The following NLRP5 variants were observed in gnomAD, a reference collection of about 807,000 sequenced individuals.
NLRP5 encodes NACHT, LRR and PYD domains-containing protein 5.
In NLRP5, 93 loss-of-function variants were observed where a neutral mutation model predicts 113.1. The ratio of observed to expected loss-of-function variants is 0.82; its 90% CI spans 0.70 to 0.98. The LOEUF (loss-of-function observed/expected upper bound fraction) is 0.98, where lower values mean the gene tolerates loss of function less well. NLRP5 is among the 50% of genes least tolerant of loss of function. NLRP5 has a pLI of 0.00. For synonymous variants in NLRP5, 751 were observed against 600.7 expected (o/e 1.25, Z -3.66); for missense variants, 1,808 against 1,514.3 (o/e 1.19, Z -3.22).
In NLRP5 at chr19:56,061,674, C is replaced by T. The variant is rs1984360682; in HGVS notation, c.*146C>T. On this transcript the variant is annotated 3_prime_UTR_variant, in exon 15 of 15. Coordinates refer to ENST00000390649, the MANE Select transcript of NLRP5 (RefSeq NM_153447.4). ...CACAAAGCCCTCAATGGTAGTGATT[C>T]TTCTGTGTTCACTCTACGTTGGTTA... 2 of 886,840 alleles carry T rather than the reference C, an allele frequency of 2.3e-6. No individual in the cohort carries two copies. The highest frequency in any genetic ancestry group is 2.3e-5 in the Admixed American group (1 of 44,282). The allele number at this position is 886,840 out of a possible 1,614,324, so 54.9% of individuals were successfully genotyped here. A position where few individuals can be genotyped will look rare whatever the true frequency, so the allele number is the denominator to read the frequency against.
At position 56,028,514 on chromosome 19, in the gene NLRP5, G is replaced by A; in HGVS notation, c.2276+5G>A. 6.2e-7 allele frequency: 1 copy of A among 1,610,390 alleles called. No homozygotes were observed. Among genetic ancestry groups the A allele is most frequent in the Non-Finnish European group, 8.5e-7 (1 of 1,178,150 alleles). On this transcript the variant is annotated splice_donor_5th_base_variant and intron_variant, in intron 7 of 14. Coordinates refer to ENST00000390649, the MANE Select transcript of NLRP5 (RefSeq NM_153447.4). ...ATGTCCTGTGGTCCCTCTATGGTGA[G>A]TACCCCAGGCAGTTTTATCCTATGC...
chr19:56,003,569 C>A, intron 1 of NLRP5, 167 bp from the exon 2 acceptor site: 1 of 787,290 alleles, frequency 1.3e-6, no homozygotes, highest in Non-Finnish European at 2.0e-6. Context: ...AATGTCCCAG[C>A]ACTGATGTCT....
chr19:56,050,699 A>G, intron 12 of NLRP5, 111 bp downstream of exon 12: 3 of 1,016,936 alleles, frequency 3.0e-6, no homozygotes, highest in Non-Finnish European at 4.3e-6. Flanking sequence ...TTTCAGGGTG[A>G]GCTGACACTC....
chr19:56,019,277 G>A lies in NLRP5; in HGVS notation c.566-65G>A, dbSNP rs1568487539. On this transcript the variant is annotated intron_variant, in intron 4 of 14. Coordinates refer to ENST00000390649, the MANE Select transcript of NLRP5 (RefSeq NM_153447.4). ...ATGGCATGACTAAGCTTATCTTGGG[G>A]GTGTCTGACATCTCTGACTCAAATA... The A allele has an allele frequency of 3.9e-6, 6 of 1,537,606 alleles. No homozygotes were observed. The African/African-American group carries it at 6.9e-5, about 18-fold the overall frequency.
At chr19:56,054,585 C>A (rs925088305) in intron 13 of NLRP5, among the ~76,000 whole-genome samples, 8 of 134,582 alleles carry the variant, frequency 5.9e-5, no homozygotes, top group African/African-American at 1.9e-4. Context: ...AAAAAAAAAA[C>A]GTGCTGATAC....
rs1568501923 is a variant in NLRP5, at chr19:56,050,332, G to A, written c.2958-86G>A. 8 of 1,287,506 alleles carry A rather than the reference G, an allele frequency of 6.2e-6. No individual in the cohort carries two copies. The South Asian group carries it at 9.3e-5, about 15-fold the overall frequency. The allele number at this position is 1,287,506 out of a possible 1,614,324, so 79.8% of individuals were successfully genotyped here. A position where few individuals can be genotyped will look rare whatever the true frequency, so the allele number is the denominator to read the frequency against. On this transcript the variant is annotated intron_variant, in intron 11 of 14. Transcript: ENST00000390649. ...ACCCCACCCTACACAGAAGCAGACT[G>A]CAGCTGGGAGGAGAGCAGCAGCTCA...
chr19:56,030,944 C>A (rs1983085589), intron 7 of NLRP5, among the ~76,000 whole-genome samples: 1 of 151,754 alleles, frequency 6.6e-6, no homozygotes, highest in African/African-American at 2.4e-5. Context: ...GAACTCCTGA[C>A]CTTGTGATCC....
At chr19:56,037,184 C>T (rs898918357) in intron 9 of NLRP5, among the ~76,000 whole-genome samples, 7 of 152,068 alleles carry the variant, frequency 4.6e-5, no homozygotes, top group East Asian at 3.9e-4. Context: ...TGTGCTGGCT[C>T]GTGGGGTAGC....
chr19:56,002,166 A>C (rs1030486976), intron 1 of NLRP5, among the ~76,000 whole-genome samples: 1 of 152,182 alleles, frequency 6.6e-6, no homozygotes, highest in Admixed American at 6.6e-5. Flanking sequence ...GATTTACGAC[A>C]TTAATCTTTT....
chr19:55,999,212 C>CTTTTTTT (rs906346601), upstream of NLRP5, among the ~76,000 whole-genome samples: 198 of 111,664 alleles, frequency 1.8e-3, no homozygotes, highest in East Asian at 4.1e-3. Context: ...TTTTCTTTTT[C>CTTTTTTT]TTTTTTTTTT....
chr19:56,040,007 G>C (rs1234085533), intron 10 of NLRP5, among the ~76,000 whole-genome samples: 3 of 152,170 alleles, frequency 2.0e-5, no homozygotes, highest in Non-Finnish European at 2.9e-5. Context: ...CTGGAGTACA[G>C]TGGCACAATC....
Position 56,027,856 on chromosome 19 carries a change from T to C in NLRP5, c.1623T>C (p.Asn541=). The change falls in exon 7 of 15, where the codon AAT becomes AAC. Residue 541 remains asparagine, a synonymous_variant. Transcript: ENST00000390649. ...GTATGGCTGTGGAGGGAGTGTGGAA[T>C]AGGAAGTCAGTGTTTGACGGTGACG... 6.2e-7 allele frequency: 1 copy of C among 1,613,920 alleles called. No individual in the cohort carries two copies. Among genetic ancestry groups the C allele is most frequent in the Non-Finnish European group, 8.5e-7 (1 of 1,179,864 alleles).
chr19:56,005,618 A>G (rs1179987152), intron 2 of NLRP5, among the ~76,000 whole-genome samples: 1 of 144,210 alleles, frequency 6.9e-6, no homozygotes, highest in Non-Finnish European at 1.5e-5. Context: ...ACACACATAT[A>G]TATTTATACA....
chr19:56,024,187 T>A (rs1301602980), intron 6 of NLRP5, among the ~76,000 whole-genome samples: 2 of 151,790 alleles, frequency 1.3e-5, no homozygotes, highest in East Asian at 3.9e-4. Context: ...CCTGTGCTAA[T>A]GTTGAATGCA....
chr19:56,044,998 T>C (rs1482958893), intron 11 of NLRP5, among the ~76,000 whole-genome samples: 1 of 152,250 alleles, frequency 6.6e-6, no homozygotes, highest in Non-Finnish European at 1.5e-5. Flanking sequence ...GGTTGAGTTC[T>C]TGATTTGATT....
At chr19:56,049,961 T>G (rs1983868812) in intron 11 of NLRP5, among the ~76,000 whole-genome samples, 1 of 152,010 alleles carries the variant, frequency 6.6e-6, no homozygotes, top group African/African-American at 2.4e-5. Context: ...CTCCTTCTCA[T>G]TTGGGTAGGT....
chr19:56,000,177 C>T (rs193124492), intron 1 of NLRP5, among the ~76,000 whole-genome samples: 258 of 151,920 alleles, frequency 1.7e-3, no homozygotes, highest in Non-Finnish European at 3.2e-3. Flanking sequence ...GGCATGGCCA[C>T]CTCTCCGCTC....
At chr19:55,989,646 T>C in the NLRP5 span, among the ~76,000 whole-genome samples, 1 of 152,204 alleles carries the variant, frequency 6.6e-6, no homozygotes, top group African/African-American at 2.4e-5. Context: ...CCCTATTTTC[T>C]GCTCATCACC....
chr19:56,022,758 CT>C (rs1301376747), intron 6 of NLRP5, among the ~76,000 whole-genome samples: 3 of 152,078 alleles, frequency 2.0e-5, no homozygotes, highest in African/African-American at 4.8e-5. Flanking sequence ...GAGTTTAGCT[CT>C]TGTTGTCCAG....
Sources: allele counts gnomAD v4.1 joint callset (sites outside exome capture counted in the v4.1 genomes callset), GRCh38; gene constraint gnomAD v4.1.1; transcripts MANE v1.5; gene names NCBI Gene and HGNC (gene_info 2026-07-23, HGNC 2026-07-21).